The following SDK1 variants were observed in gnomAD, a reference collection of about 807,000 sequenced individuals.
SDK1 encodes protein sidekick-1.
SDK1 carries 157 observed loss-of-function variants against 245.5 expected under a neutral mutation model. The ratio of observed to expected loss-of-function variants is 0.64; its 90% CI spans 0.56 to 0.73. The LOEUF is 0.73. SDK1 is among the 30% of genes least tolerant of loss of function. SDK1 has a pLI of 0.00. For missense variants in SDK1, 3,583 were observed against 3,002.3 expected (o/e 1.19, Z -4.52); for synonymous variants, 1,647 against 1,278.5 (o/e 1.29, Z -6.15).
At chr7:4,020,126 G>A (rs1400525150) in intron 17 of SDK1, among the ~76,000 whole-genome samples, 2 of 151,956 alleles carry the variant, frequency 1.3e-5, no homozygotes, top group Non-Finnish European at 2.9e-5. Flanking sequence ...GAGACGCCGG[G>A]CACCACCCAC....
chr7:3,419,030 T>C (rs1332721758), intron 1 of SDK1, among the ~76,000 whole-genome samples: 1 of 152,242 alleles, frequency 6.6e-6, no homozygotes, highest in African/African-American at 2.4e-5. Context: ...TTTTTCCTGA[T>C]TTAAAGATGA....
intron 5 of SDK1, among the ~76,000 whole-genome samples, chr7:3,837,315 T>C (rs1045220898): frequency 3.9e-5 from 6 of 152,234 alleles, no homozygotes; most frequent in African/African-American, 1.4e-4. Flanking sequence ...CATGAGCCAA[T>C]ATTTAACAGC....
chr7:3,400,054 C>G (rs1393532452), intron 1 of SDK1, among the ~76,000 whole-genome samples: 2 of 152,050 alleles, frequency 1.3e-5, no homozygotes, highest in Non-Finnish European at 2.9e-5. Flanking sequence ...AGCTGTGAAG[C>G]AGGTCAGACA....
At chr7:4,148,443 G>A (rs548963401) in intron 29 of SDK1, among the ~76,000 whole-genome samples, 13 of 152,348 alleles carry the variant, frequency 8.5e-5, no homozygotes, top group South Asian at 4.1e-4. Context: ...CCCGCGTCCC[G>A]CATCCAAGCT....
intron 22 of SDK1, among the ~76,000 whole-genome samples, chr7:4,092,875 AG>A (rs572337724): frequency 1.1e-3 from 162 of 152,212 alleles, no homozygotes; most frequent in Non-Finnish European, 1.9e-3. Context: ...CAGGGACGAA[AG>A]CTCCCACCAC....
intron 4 of SDK1, among the ~76,000 whole-genome samples, chr7:3,712,437 C>T (rs552835019): frequency 2.7e-4 from 41 of 152,214 alleles, no homozygotes; most frequent in Admixed American, 1.4e-3. Context: ...AGTTGTATAA[C>T]GATTTCATTA....
chr7:4,035,887 TTTACA>T (rs1788173529), intron 17 of SDK1, among the ~76,000 whole-genome samples: 1 of 152,074 alleles, frequency 6.6e-6, no homozygotes, highest in Non-Finnish European at 1.5e-5. Context: ...GATGGGAAAA[TTTACA>T]AATCCATAAT....
At chr7:4,013,863 G>A (rs1786174475) in intron 16 of SDK1, among the ~76,000 whole-genome samples, 1 of 152,234 alleles carries the variant, frequency 6.6e-6, no homozygotes, top group South Asian at 2.1e-4. Context: ...AGGGGGAAGA[G>A]GAGCTTGCAG....
chr7:3,602,247 C>T (rs1165500339), intron 1 of SDK1, among the ~76,000 whole-genome samples: 6 of 151,464 alleles, frequency 4.0e-5, no homozygotes, highest in South Asian at 2.1e-4. Flanking sequence ...CCTGAGGAAT[C>T]GCCACACTGA....
chr7:3,343,618 C>G (rs1401519652), intron 1 of SDK1, among the ~76,000 whole-genome samples: 1 of 152,114 alleles, frequency 6.6e-6, no homozygotes, highest in African/African-American at 2.4e-5. Context: ...ATTGCACTAG[C>G]TGTTCAAAGT....
chr7:4,107,765 G>C (rs534470194), intron 22 of SDK1, among the ~76,000 whole-genome samples: 1 of 152,188 alleles, frequency 6.6e-6, no homozygotes, highest in Non-Finnish European at 1.5e-5. Context: ...CATTGCCCAG[G>C]CAGCCGGGGG....
intron 1 of SDK1, among the ~76,000 whole-genome samples, chr7:3,307,496 C>G (rs1188938880): frequency 6.6e-6 from 1 of 152,164 alleles, no homozygotes; most frequent in East Asian, 1.9e-4. Flanking sequence ...AGTGTTGCCA[C>G]TAAATCCAAA....
intron 4 of SDK1, among the ~76,000 whole-genome samples, chr7:3,808,032 C>T (rs1480838687): frequency 1.3e-5 from 2 of 152,158 alleles, no homozygotes; most frequent in Non-Finnish European, 2.9e-5. Flanking sequence ...CAAAGCGTCA[C>T]CAGCTAGGAA....
chr7:4,053,036 G>A lies in SDK1; in HGVS notation c.2911+1206G>A, dbSNP rs573846666. On this transcript the variant is annotated intron_variant, in intron 19 of 44. Coordinates refer to ENST00000404826, the MANE Select transcript of SDK1 (RefSeq NM_152744.4). ...CAGGAGGCAGAGGTTGCAGTGAGCCGTGATCATGCCACTGCACTCCAGCCT... is the reference window on the plus strand; with the variant it reads ...CAGGAGGCAGAGGTTGCAGTGAGCCATGATCATGCCACTGCACTCCAGCCT... Among the ~76,000 whole-genome samples the A allele has an allele frequency of 4.0e-5, 6 of 148,486 alleles. No homozygotes were observed. In the East Asian group the frequency reaches 1.2e-3, roughly 30 times the overall value.
chr7:4,042,913 G>A (rs57367972), intron 17 of SDK1, among the ~76,000 whole-genome samples: 47,917 of 152,134 alleles, frequency 0.31, 11,758 homozygotes, highest in African/African-American at 0.69. Flanking sequence ...TTCTGATGGC[G>A]GTAATCAGGA....
intron 2 of SDK1, among the ~76,000 whole-genome samples, chr7:3,627,399 C>T (rs923833870): frequency 9.9e-5 from 15 of 152,082 alleles, no homozygotes; most frequent in Admixed American, 6.5e-4. Context: ...CAGGCTGCCA[C>T]GTGTATAGGA....
chr7:3,327,515 C>T (rs1400143946), intron 1 of SDK1, among the ~76,000 whole-genome samples: 1 of 152,084 alleles, frequency 6.6e-6, no homozygotes, highest in African/African-American at 2.4e-5. Flanking sequence ...TTCACATACC[C>T]ATCTCTCCAA....
chr7:4,050,473 G>T (rs1018959481), intron 18 of SDK1, among the ~76,000 whole-genome samples: 1 of 152,172 alleles, frequency 6.6e-6, no homozygotes, highest in African/African-American at 2.4e-5. Context: ...TGATGACTTC[G>T]CTGTCAGTTT....
At chr7:3,623,562 G>T (rs1214828338) in intron 2 of SDK1, among the ~76,000 whole-genome samples, 1 of 152,062 alleles carries the variant, frequency 6.6e-6, no homozygotes, top group Non-Finnish European at 1.5e-5. Context: ...ATTTCATATT[G>T]ATGCTCATGT....
Sources: allele counts gnomAD v4.1 joint callset (sites outside exome capture counted in the v4.1 genomes callset), GRCh38; gene constraint gnomAD v4.1.1; transcripts MANE v1.5; gene names NCBI Gene and HGNC (gene_info 2026-07-23, HGNC 2026-07-21).